The following PATJ variants were observed in gnomAD, a reference collection of about 807,000 sequenced individuals.
PATJ encodes the protein inaD-like protein.
Under a neutral mutation model 224.9 loss-of-function variants are expected in PATJ, and 190 were observed. That is an observed-to-expected ratio of 0.84 (90% CI 0.75 to 0.95). The LOEUF is 0.95. Among genes scored for constraint, PATJ ranks in the 40% least tolerant of loss-of-function variants. The probability of loss-of-function intolerance (pLI) is 0.00; values close to 1 mark genes in which losing one functional copy is unlikely to be tolerated. For missense variants in PATJ, 2,121 were observed against 2,270.3 expected (o/e 0.93, Z 1.34); for synonymous variants, 769 against 820.3 (o/e 0.94, Z 1.07).
intron 27 of PATJ, among the ~76,000 whole-genome samples, chr1:61,957,222 A>T (rs1357583295): frequency 2.6e-5 from 4 of 152,178 alleles, no homozygotes; most frequent in Non-Finnish European, 5.9e-5. Flanking sequence ...TAAAGTGGGT[A>T]TTCTCATGGA....
intron 14 of PATJ, among the ~76,000 whole-genome samples, chr1:61,819,516 C>T (rs761581502): frequency 1.3e-5 from 2 of 152,004 alleles, no homozygotes; most frequent in Non-Finnish European, 2.9e-5. Flanking sequence ...GTTTATACCC[C>T]GTACATATAT....
chr1:61,777,703 C>CTTTCTTTTTTTTTTTT (rs1415203243), intron 7 of PATJ, among the ~76,000 whole-genome samples: 2 of 48,746 alleles, frequency 4.1e-5, no homozygotes, highest in African/African-American at 2.1e-4. Context: ...TTCTTTCTTT[C>CTTTCTTTTTTTTTTTT]TTTTTTTTTT....
intron 1 of PATJ, among the ~76,000 whole-genome samples, chr1:61,753,453 C>T (rs921019638): frequency 1.3e-5 from 2 of 151,898 alleles, no homozygotes; most frequent in African/African-American, 4.8e-5. Flanking sequence ...TTGTGAAGTA[C>T]TGGGAGCTCA....
chr1:61,908,331 T>A (rs1672137796), intron 24 of PATJ, 41 bp from the exon 25 acceptor site: 1 of 1,291,640 alleles, frequency 7.7e-7, no homozygotes, highest in Non-Finnish European at 1.1e-6. Context: ...CCACAATATC[T>A]AGTGCTGTTC....
chr1:62,086,293 T>C lies in PATJ; in HGVS notation c.4377+1645T>C, dbSNP rs576487589. On this transcript the variant is annotated intron_variant, in intron 33 of 43. Transcript: ENST00000642238. The surrounding 1 kb of genome is among the most constrained non-coding windows in gnomAD (Gnocchi z 4.0). ...TGCATATTATACAAAGTTAAATTGA[T>C]ACAAAAGGAAAATTGTGTGTGTGTG... is the stretch of plus-strand genomic sequence containing the variant. Among the ~76,000 whole-genome samples the C allele has an allele frequency of 1.5e-4, 22 of 149,082 alleles. No individual in the cohort carries two copies. Among genetic ancestry groups the C allele is most frequent in the Non-Finnish European group, 2.8e-4 (19 of 67,540 alleles).
chr1:61,977,924 A>G (rs970629291), intron 27 of PATJ, among the ~76,000 whole-genome samples: 1 of 151,776 alleles, frequency 6.6e-6, no homozygotes, highest in African/African-American at 2.4e-5. Context: ...TTTAATAAAA[A>G]TAAGTTGATT....
chr1:62,086,244 ATG>A lies in PATJ; in HGVS notation c.4377+1610_4377+1611del, dbSNP rs1392646790. On this transcript the variant is annotated intron_variant, in intron 33 of 43. Transcript: ENST00000642238. The surrounding 1 kb of genome is among the most constrained non-coding windows in gnomAD (Gnocchi z 4.0). ...AATTAATGCATGTGTGTGTGTGTGT[ATG>A]TGTGTGTGTGTGTTTAATACCTGCA... Among the ~76,000 whole-genome samples the A allele has an allele frequency of 2.7e-4, 37 of 135,796 alleles. No individual in the cohort carries two copies. The East Asian group carries it at 5.1e-3, about 19-fold the overall frequency. The allele number at this position is 135,796 out of a possible 152,430, so 89.1% of individuals were successfully genotyped here.
intron 33 of PATJ, among the ~76,000 whole-genome samples, chr1:62,099,453 A>G (rs1403245788): frequency 1.5e-5 from 2 of 134,850 alleles, no homozygotes; most frequent in Non-Finnish European, 3.0e-5. Flanking sequence ...CTCTTTCTGG[A>G]TCACTGGTGA....
At position 61,869,114 on chromosome 1, in the gene PATJ, T is replaced by C. The variant is rs1314429453; in HGVS notation, c.2835+4481T>C. 6.7e-5 allele frequency among the ~76,000 whole-genome samples: 10 copies of C among 149,920 alleles called. No homozygotes were observed. In the East Asian group the frequency reaches 2.0e-3, roughly 29 times the overall value. On this transcript the variant is annotated intron_variant, in intron 20 of 43. Coordinates refer to ENST00000642238, the MANE Select transcript of PATJ (RefSeq NM_001350145.3). ...GAAATAACATTTTTTTTTTTTTTTT[T>C]TTTCTTTTTTGAGACGGAGTCTCGC...
intron 38 of PATJ, among the ~76,000 whole-genome samples, chr1:62,122,062 A>T (rs1665124543): frequency 6.6e-6 from 1 of 151,972 alleles, no homozygotes; most frequent in African/African-American, 2.4e-5. Context: ...AAAAAAATGT[A>T]CAATGAAACA....
Position 61,841,874 on chromosome 1 carries a change from C to T in PATJ, c.2112+8089C>T, listed in dbSNP as rs566730893. 5.9e-5 allele frequency among the ~76,000 whole-genome samples: 9 copies of T among 152,280 alleles called. No individual in the cohort carries two copies. In the South Asian group the frequency reaches 1.7e-3, roughly 28 times the overall value. ...AAAGTACTGTAAGTTCCAGTGCCAA[C>T]TGGGCTGAAGATTTCTTTTCACAGA... On this transcript the variant is annotated intron_variant, in intron 17 of 43. Transcript: ENST00000642238.
chr1:61,991,413 C>T, intron 28 of PATJ: 1 of 739,998 alleles, frequency 1.4e-6, no homozygotes, highest in Non-Finnish European at 1.6e-6. Context: ...ATCATGGAGA[C>T]ACTGAGTGTT....
Position 62,018,069 on chromosome 1 carries a change from C to A in PATJ, c.3959+122C>A. On this transcript the variant is annotated intron_variant, in intron 29 of 43. Coordinates refer to ENST00000642238, the MANE Select transcript of PATJ (RefSeq NM_001350145.3). This position sits in a 1 kb window ranked among gnomAD's most constrained non-coding sequence, Gnocchi z 4.2. ...ACTGTTCCTTCTAAAAACATATATT[C>A]CTTTTGTAACTGTCACTTCAAGAAA... 1.8e-6 allele frequency: 1 copy of A among 557,422 alleles called. No individual in the cohort carries two copies. The highest frequency in any genetic ancestry group is 3.3e-6 in the Non-Finnish European group (1 of 300,230). The allele number at this position is 557,422 out of a possible 1,614,324, so 34.5% of individuals were successfully genotyped here.
chr1:61,986,572 G>A (rs779922461), intron 27 of PATJ, among the ~76,000 whole-genome samples: 10 of 152,042 alleles, frequency 6.6e-5, no homozygotes, highest in African/African-American at 1.9e-4. Context: ...GGCGCGTGCC[G>A]CTATGCTGGG....
intron 34 of PATJ, among the ~76,000 whole-genome samples, chr1:62,109,353 C>T (rs776750933): frequency 2.4e-4 from 36 of 152,002 alleles, no homozygotes; most frequent in Non-Finnish European, 4.6e-4. Context: ...TTCATTTCTG[C>T]CTCCCAAGAT....
chr1:61,904,231 A>G (rs879533813), intron 24 of PATJ, among the ~76,000 whole-genome samples: 8 of 152,114 alleles, frequency 5.3e-5, no homozygotes, highest in African/African-American at 9.7e-5. Flanking sequence ...TTGCTGATCT[A>G]TTGTAACTTA....
intron 31 of PATJ, among the ~76,000 whole-genome samples, chr1:62,056,395 G>T (rs1315934707): frequency 2.0e-5 from 3 of 152,168 alleles, no homozygotes; most frequent in Non-Finnish European, 4.4e-5. Flanking sequence ...AAGCACAGTG[G>T]CTCCAGTTTG....
In PATJ at chr1:61,875,345, G is replaced by C; in HGVS notation, c.2938G>C (p.Ala980Pro). Residue 980 changes from alanine (A) to proline (P), a missense_variant, in exon 21 of 44, where the codon GCA becomes CCA. Transcript: ENST00000642238. The stretch of plus-strand genomic sequence containing the variant: ...CGACCTGGAAAATCTTAATTCATTA[G>C]CAAAAACTAGTCTGGATTTAGGTTT... The part of the protein sequence containing the change: ...FDDLENLNSL[A>P]KTSLDLGMIP... 6.2e-7 allele frequency: 1 copy of C among 1,609,346 alleles called. No individual in the cohort carries two copies. Among genetic ancestry groups the C allele is most frequent in the Non-Finnish European group, 8.5e-7 (1 of 1,178,000 alleles).
chr1:62,150,188 G>T (rs1483393973), intron 42 of PATJ, among the ~76,000 whole-genome samples: 6 of 152,122 alleles, frequency 3.9e-5, no homozygotes, highest in Admixed American at 2.6e-4. Context: ...CCTTATTCAT[G>T]AGTCATAATC....
Sources: allele counts gnomAD v4.1 joint callset (sites outside exome capture counted in the v4.1 genomes callset), GRCh38; gene constraint gnomAD v4.1.1; non-coding constraint Gnocchi (gnomAD v3.1); transcripts MANE v1.5; gene names NCBI Gene and HGNC (gene_info 2026-07-23, HGNC 2026-07-21).